GABPB2: variants seen among roughly 807,000 people sequenced by gnomAD.
GABPB2 encodes the protein GA binding protein transcription factor subunit beta 2.
GABPB2 carries 23 observed loss-of-function variants against 39.1 expected under a neutral mutation model. The observed-to-expected ratio is 0.59, with a 90% CI of 0.42 to 0.83. The LOEUF (loss-of-function observed/expected upper bound fraction) is 0.83. Among genes scored for constraint, GABPB2 ranks in the 40% least tolerant of loss-of-function variants. The pLI is 0.00. For synonymous variants in GABPB2, 184 were observed against 199.3 expected (o/e 0.92, Z 0.65); for missense variants, 467 against 541.1 (o/e 0.86, Z 1.36).
At chr1:151,117,266 C>A in intron 7 of GABPB2, 126 bp from the exon 8 acceptor site, 1 of 979,220 alleles carries the variant, frequency 1.0e-6, no homozygotes, top group Non-Finnish European at 1.5e-6. Context: ...GTAGCTAGGA[C>A]CACAGGCACA....
At chr1:151,076,553 C>T (rs1370291462) in intron 1 of GABPB2, among the ~76,000 whole-genome samples, 1 of 151,752 alleles carries the variant, frequency 6.6e-6, no homozygotes, top group African/African-American at 2.4e-5. Context: ...CATCAGCCTC[C>T]GGAGTAGCTG....
intron 7 of GABPB2, among the ~76,000 whole-genome samples, chr1:151,112,899 T>G (rs1341614602): frequency 6.6e-6 from 1 of 151,172 alleles, no homozygotes; most frequent in African/African-American, 2.4e-5. Flanking sequence ...GCCTCCTGAG[T>G]AGCTGGGACT....
chr1:151,077,479 C>T (rs907954796), intron 1 of GABPB2, among the ~76,000 whole-genome samples: 12 of 151,548 alleles, frequency 7.9e-5, no homozygotes, highest in Non-Finnish European at 1.6e-4. Flanking sequence ...GCCTCAGCCT[C>T]CTGAGTAGCT....
chr1:151,081,522 G>GTA (rs976924149), intron 1 of GABPB2, among the ~76,000 whole-genome samples: 6 of 151,822 alleles, frequency 4.0e-5, no homozygotes, highest in South Asian at 2.1e-4. Flanking sequence ...GAAACAAACC[G>GTA]TATATATATA....
At chr1:151,097,217 C>T (rs1003689315) in intron 4 of GABPB2, among the ~76,000 whole-genome samples, 1 of 151,926 alleles carries the variant, frequency 6.6e-6, no homozygotes, top group East Asian at 1.9e-4. Flanking sequence ...TGGCCTGACT[C>T]CCTCATTTTT....
chr1:151,118,130 G>A lies in GABPB2; in HGVS notation c.1221G>A (p.Glu407=). 6.2e-7 allele frequency: 1 copy of A among 1,614,182 alleles called. No individual in the cohort carries two copies. The highest frequency in any genetic ancestry group is 8.5e-7 in the Non-Finnish European group (1 of 1,180,034). Residue 407 remains glutamate (E), a synonymous_variant, in exon 9 of 9, where the codon GAG becomes GAA. Transcript: ENST00000368918. ...PNGVDFTMVE[E]VAEVDAVVVT... ...GAGTTGATTTCACCATGGTTGAAGA[G>A]GTGGCTGAGGTAGATGCTGTAGTAG...
rs113894204 is a variant in GABPB2, at chr1:151,075,059, T to G, written c.-1+4125T>G. Among the ~76,000 whole-genome samples, 996 of 150,624 alleles carry G rather than the reference T, an allele frequency of 6.6e-3. 2 individuals carry two copies. The highest frequency in any genetic ancestry group is 0.016 in the South Asian group (75 of 4,754). On this transcript the variant is annotated intron_variant, in intron 1 of 8. Coordinates refer to ENST00000368918, the MANE Select transcript of GABPB2 (RefSeq NM_144618.3). The stretch of plus-strand genomic sequence containing the variant: ...CGGGAGGGTGAGGCAGGAGAATTGC[T>G]TGAGCATTAGAGGCAGAGGTTGTGG...
At chr1:151,080,997 C>T (rs149253479) in intron 1 of GABPB2, among the ~76,000 whole-genome samples, 1,741 of 150,696 alleles carry the variant, frequency 0.012, 30 homozygotes, top group African/African-American at 0.038. Context: ...CTCAGCCTCC[C>T]GAGTAGCTGG....
intron 7 of GABPB2, among the ~76,000 whole-genome samples, chr1:151,114,984 C>T (rs1222290982): frequency 6.6e-6 from 1 of 152,040 alleles, no homozygotes; most frequent in Admixed American, 6.6e-5. Flanking sequence ...CACTCCAATC[C>T]GGCCTGGGTG....
chr1:151,107,620 G>A (rs77306500), intron 7 of GABPB2, among the ~76,000 whole-genome samples: 4 of 151,564 alleles, frequency 2.6e-5, no homozygotes, highest in South Asian at 2.1e-4. Flanking sequence ...GGTTCACCGC[G>A]CCCGGCCCTG....
At chr1:151,073,532 G>A (rs924413294) in intron 1 of GABPB2, among the ~76,000 whole-genome samples, 2 of 152,120 alleles carry the variant, frequency 1.3e-5, no homozygotes, top group African/African-American at 4.8e-5. Flanking sequence ...CAAGATACTG[G>A]GAGAATGGCA....
intron 1 of GABPB2, among the ~76,000 whole-genome samples, chr1:151,075,121 G>A (rs962612685): frequency 3.7e-4 from 57 of 152,078 alleles, no homozygotes; most frequent in Admixed American, 3.4e-3. Flanking sequence ...CAGTCTGGGC[G>A]ACAGAGTGAG....
At chr1:151,114,326 G>C (rs1325236401) in intron 7 of GABPB2, among the ~76,000 whole-genome samples, 1 of 151,956 alleles carries the variant, frequency 6.6e-6, no homozygotes, top group Non-Finnish European at 1.5e-5. Flanking sequence ...CTGGGTAACA[G>C]AGTGAGACTC....
In GABPB2 at chr1:151,113,067, C is replaced by T. The variant is rs146210978; in HGVS notation, c.923-4325C>T. Among the ~76,000 whole-genome samples, 19 of 150,480 alleles carry T rather than the reference C, an allele frequency of 1.3e-4. No homozygotes were observed. In the East Asian group the frequency reaches 3.5e-3, roughly 28 times the overall value. ...TTGGGATTATAAGCATGAGCTACTG[C>T]GCCTAGCCCCTCAATTTTTTTTTTT... On this transcript the variant is annotated intron_variant, in intron 7 of 8. Transcript: ENST00000368918.
At chr1:151,111,718 T>C (rs1442636658) in intron 7 of GABPB2, among the ~76,000 whole-genome samples, 1 of 151,046 alleles carries the variant, frequency 6.6e-6, no homozygotes, top group Non-Finnish European at 1.5e-5. Context: ...GGCCTAATTT[T>C]TGTATTTTTA....
At chr1:151,112,887 C>T (rs1680569025) in intron 7 of GABPB2, among the ~76,000 whole-genome samples, 1 of 151,826 alleles carries the variant, frequency 6.6e-6, no homozygotes, top group Admixed American at 6.6e-5. Context: ...TCCCCTGCCT[C>T]AGCCTCCTGA....
rs746440116 is a variant in GABPB2, at chr1:151,090,450, T to G, written c.153T>G (p.Tyr51Ter). Reference protein sequence around the residue: ...PLHLAAQYGHYSTAEVLLRAG... With the variant: ...PLHLAAQYGH ...ACCTTGCAGCTCAATATGGTCATTA[T>G]TCCACAGCAGAAGTACTCCTTCGAG... is the stretch of plus-strand genomic sequence containing the variant. The change falls in exon 3 of 9, where the codon TAT (tyrosine) becomes TAG (stop). Residue 51 changes from tyrosine to a stop codon, truncating the protein, a stop_gained. Transcript: ENST00000368918. LOFTEE classifies it high-confidence loss of function. 1 of 1,614,140 alleles carries G rather than the reference T, an allele frequency of 6.2e-7. No individual in the cohort carries two copies. Among genetic ancestry groups the G allele is most frequent in the Non-Finnish European group, 8.5e-7 (1 of 1,180,006 alleles).
intron 1 of GABPB2, among the ~76,000 whole-genome samples, chr1:151,071,278 G>A (rs1472824778): frequency 2.0e-5 from 3 of 152,096 alleles, no homozygotes; most frequent in African/African-American, 7.2e-5. Flanking sequence ...TTGGCCCCCT[G>A]CCCCAAATTG....
intron 4 of GABPB2, among the ~76,000 whole-genome samples, chr1:151,094,147 G>A (rs1219042667): frequency 2.2e-5 from 3 of 139,164 alleles, no homozygotes; most frequent in South Asian, 2.3e-4. Context: ...CATTTCCTGG[G>A]TTTGAGGGAT....
Sources: gnomAD v4.1 joint callset for allele counts (sites outside exome capture counted in the v4.1 genomes callset) on GRCh38, gnomAD v4.1.1 for gene constraint, MANE v1.5 for transcripts, NCBI Gene and HGNC (gene_info 2026-07-23, HGNC 2026-07-21) for gene names.